The following ARHGAP15 variants were observed in gnomAD, a reference collection of about 807,000 sequenced individuals.
The protein encoded by ARHGAP15 is rho GTPase-activating protein 15.
ARHGAP15 carries 51 observed loss-of-function variants against 63.7 expected under a neutral mutation model. The observed-to-expected ratio is 0.80, with a 90% CI of 0.64 to 1.01. The LOEUF is 1.01. ARHGAP15 is among the 50% of genes least tolerant of loss of function. The probability of loss-of-function intolerance (pLI) is 0.00; values close to 1 mark genes in which losing one functional copy is unlikely to be tolerated. For synonymous variants in ARHGAP15, 191 were observed against 193.8 expected (o/e 0.99, Z 0.12); for missense variants, 560 against 564.6 (o/e 0.99, Z 0.08).
At chr2:143,337,057 A>G (rs529830574) in intron 6 of ARHGAP15, among the ~76,000 whole-genome samples, 1 of 152,108 alleles carries the variant, frequency 6.6e-6, no homozygotes, top group African/African-American at 2.4e-5. Context: ...CATGCAGGTA[A>G]TCTGGTCAAG....
intron 6 of ARHGAP15, among the ~76,000 whole-genome samples, chr2:143,381,345 G>C (rs1291305682): frequency 6.6e-6 from 1 of 151,908 alleles, no homozygotes; most frequent in Non-Finnish European, 1.5e-5. Flanking sequence ...CATCTTATTG[G>C]ATGTCTGCCA....
intron 2 of ARHGAP15, among the ~76,000 whole-genome samples, chr2:143,159,695 T>C (rs1690217198): frequency 6.6e-6 from 1 of 151,936 alleles, no homozygotes; most frequent in Admixed American, 6.6e-5. Context: ...ACACTTTGCA[T>C]TTATTTGTTG....
At chr2:143,605,770 T>A (rs1007401561) in intron 11 of ARHGAP15, among the ~76,000 whole-genome samples, 1 of 149,508 alleles carries the variant, frequency 6.7e-6, no homozygotes, top group Non-Finnish European at 1.5e-5. Context: ...TCCCAGCACT[T>A]TGGGAGGCAG....
rs544650344 is a variant in ARHGAP15, at chr2:143,742,488, A to G, written c.1245-25501A>G. Among the ~76,000 whole-genome samples the G allele has an allele frequency of 2.0e-4, 31 of 152,364 alleles. No homozygotes were observed. The South Asian group carries it at 5.8e-3, about 28-fold the overall frequency. On this transcript the variant is annotated intron_variant, in intron 13 of 13. Coordinates refer to ENST00000295095, the MANE Select transcript of ARHGAP15 (RefSeq NM_018460.4). ...GTACCCAAAACACTGGAAAACCAAC[A>G]AAAGGAAAGAATCGGTAAAGAAATG...
chr2:143,657,325 C>T (rs1236140611), intron 12 of ARHGAP15, among the ~76,000 whole-genome samples: 1 of 152,160 alleles, frequency 6.6e-6, no homozygotes, highest in Admixed American at 6.5e-5. Flanking sequence ...CCAGCCTGGG[C>T]AACAGAGTGA....
intron 3 of ARHGAP15, among the ~76,000 whole-genome samples, chr2:143,205,622 A>G (rs145237096): frequency 0.011 from 1,642 of 152,184 alleles, 10 homozygotes; most frequent in Non-Finnish European, 0.018. Context: ...TGAATTAGTC[A>G]TTTGTTCTAG....
At chr2:143,568,590 T>C (rs1457330613) in intron 11 of ARHGAP15, among the ~76,000 whole-genome samples, 1 of 152,250 alleles carries the variant, frequency 6.6e-6, no homozygotes, top group Non-Finnish European at 1.5e-5. Context: ...TCAGCCATTG[T>C]GGAAGACAGT....
At chr2:143,247,861 C>T (rs1574148740) in intron 5 of ARHGAP15, among the ~76,000 whole-genome samples, 3 of 152,150 alleles carry the variant, frequency 2.0e-5, no homozygotes, top group Non-Finnish European at 4.4e-5. Context: ...AAAAAAAATA[C>T]AAATCTTAAT....
intron 6 of ARHGAP15, among the ~76,000 whole-genome samples, chr2:143,391,596 T>C (rs1687540738): frequency 6.6e-6 from 1 of 152,166 alleles, no homozygotes; most frequent in South Asian, 2.1e-4. Context: ...AATGATACAC[T>C]ACCACCAGTC....
chr2:143,174,434 A>AT (rs1178596932), intron 2 of ARHGAP15, among the ~76,000 whole-genome samples: 1 of 151,930 alleles, frequency 6.6e-6, no homozygotes, highest in Non-Finnish European at 1.5e-5. Flanking sequence ...TGAGCTTTTA[A>AT]TTTTTTTTAA....
chr2:143,350,104 G>A (rs923930617), intron 6 of ARHGAP15, among the ~76,000 whole-genome samples: 8 of 152,078 alleles, frequency 5.3e-5, no homozygotes, highest in African/African-American at 1.9e-4. Flanking sequence ...AATGGAGAGA[G>A]TATATAAAAA....
Position 143,458,215 on chromosome 2 carries a change from T to C in ARHGAP15, c.703+21173T>C, listed in dbSNP as rs145949252. On this transcript the variant is annotated intron_variant, in intron 8 of 13. Transcript: ENST00000295095. The stretch of plus-strand genomic sequence containing the variant: ...TAGTGAATGATGTTAATCTTCTAAC[T>C]GGTAATTTTCATGTCATTTGAAAGC... Among the ~76,000 whole-genome samples, 329 of 152,282 alleles carry C rather than the reference T, an allele frequency of 2.2e-3. 3 individuals are homozygous for C. The highest frequency in any genetic ancestry group is 7.2e-3 in the African/African-American group (301 of 41,566).
intron 12 of ARHGAP15, among the ~76,000 whole-genome samples, chr2:143,693,778 C>A (rs942912677): frequency 6.6e-6 from 1 of 152,192 alleles, no homozygotes; most frequent in African/African-American, 2.4e-5. Context: ...GAGGAATCTT[C>A]TACTCCATTA....
At chr2:143,647,358 T>C (rs1680930613) in intron 12 of ARHGAP15, among the ~76,000 whole-genome samples, 1 of 101,832 alleles carries the variant, frequency 9.8e-6, no homozygotes, top group Non-Finnish European at 2.3e-5. Context: ...CACCAAGTAG[T>C]TAAAAAAAAA....
Position 143,620,794 on chromosome 2 carries a change from C to T in ARHGAP15, c.1004-3339C>T, listed in dbSNP as rs866792922. Among the ~76,000 whole-genome samples the T allele has an allele frequency of 1.2e-4, 18 of 152,332 alleles. 1 individual carries two copies. In the South Asian group the frequency reaches 2.7e-3, roughly 23 times the overall value. ...TAGATAATGAATGTAGAGTGCATAGCACAGTCCCTGGTACAGTGTAAGCTC... is the reference window on the plus strand; with the variant it reads ...TAGATAATGAATGTAGAGTGCATAGTACAGTCCCTGGTACAGTGTAAGCTC... On this transcript the variant is annotated intron_variant, in intron 11 of 13. Coordinates refer to ENST00000295095, the MANE Select transcript of ARHGAP15 (RefSeq NM_018460.4).
chr2:143,695,053 A>C (rs1683781148), intron 12 of ARHGAP15, among the ~76,000 whole-genome samples: 1 of 152,208 alleles, frequency 6.6e-6, no homozygotes, highest in Non-Finnish European at 1.5e-5. Flanking sequence ...ATGTACAAAG[A>C]TAATGCTTAA....
chr2:143,273,128 T>A (rs1681377305), intron 6 of ARHGAP15, among the ~76,000 whole-genome samples: 1 of 152,150 alleles, frequency 6.6e-6, no homozygotes, highest in African/African-American at 2.4e-5. Context: ...TCTATATACA[T>A]CATTATTCTA....
chr2:143,413,966 T>TGTGTGTGTGTGCGCGCGCGCGCGCACGC, intron 6 of ARHGAP15, among the ~76,000 whole-genome samples: 28 of 117,916 alleles, frequency 2.4e-4, no homozygotes, highest in African/African-American at 9.9e-4. Flanking sequence ...TGTGTGTGTG[T>TGTGTGTGTGTGCGCGCGCGCGCGCACGC]GCGCGCTCTC....
chr2:143,130,423 A>G (rs1375372374), intron 1 of ARHGAP15, among the ~76,000 whole-genome samples: 1 of 152,156 alleles, frequency 6.6e-6, no homozygotes, highest in African/African-American at 2.4e-5. Flanking sequence ...AGCCCAAGAT[A>G]TGATCCATTC....
Sources: gnomAD v4.1 joint callset for allele counts (sites outside exome capture counted in the v4.1 genomes callset) on GRCh38, gnomAD v4.1.1 for gene constraint, MANE v1.5 for transcripts, NCBI Gene and HGNC (gene_info 2026-07-23, HGNC 2026-07-21) for gene names.